SUSD1: variants seen among roughly 807,000 people sequenced by gnomAD.
SUSD1 encodes the protein sushi domain containing 1, also known as sushi domain-containing protein 1.
A neutral mutation model predicts 86.9 loss-of-function variants in SUSD1; 65 were observed. The observed-to-expected ratio is 0.75, with a 90% CI of 0.61 to 0.92. The LOEUF (loss-of-function observed/expected upper bound fraction) is 0.92. Ranked by LOEUF, SUSD1 falls within the 40% of genes least tolerant of loss-of-function variation. SUSD1 has a pLI of 0.00. For synonymous variants in SUSD1, 346 were observed against 350.0 expected, an observed-to-expected ratio of 0.99 and a Z score of 0.13; for missense variants, 850 against 929.7, an observed-to-expected ratio of 0.91 and a Z score of 1.11.
At chr9:112,054,322 C>T (rs1402082040) in intron 14 of SUSD1, among the ~76,000 whole-genome samples, 2 of 152,178 alleles carry the variant, frequency 1.3e-5, no homozygotes, top group Admixed American at 6.5e-5. Context: ...CACTGGCTCA[C>T]ACCTGTAATC....
intron 5 of SUSD1, among the ~76,000 whole-genome samples, chr9:112,131,860 G>A (rs1832049328): frequency 6.6e-6 from 1 of 152,162 alleles, no homozygotes; most frequent in Admixed American, 6.5e-5. Context: ...GAGCATGGCT[G>A]GGAATTTTCC....
intron 15 of SUSD1, among the ~76,000 whole-genome samples, chr9:112,043,918 A>T (rs1827850236): frequency 6.6e-6 from 1 of 152,174 alleles, no homozygotes; most frequent in African/African-American, 2.4e-5. Context: ...CTCCTGCCCC[A>T]GTCTCCCTAG....
intron 7 of SUSD1, chr9:112,112,088 A>G: frequency 2.7e-6 from 1 of 373,340 alleles, no homozygotes; most frequent in South Asian, 5.6e-5. Flanking sequence ...TCAAATGGAG[A>G]CAATTGCAAC....
chr9:112,120,758 CAGCTAATTAAT>C (rs1465304140), intron 6 of SUSD1, among the ~76,000 whole-genome samples: 1 of 152,216 alleles, frequency 6.6e-6, no homozygotes, highest in Non-Finnish European at 1.5e-5. Flanking sequence ...CTACAAGCAT[CAGCTAATTAAT>C]AGCTTACTAT....
intron 12 of SUSD1, among the ~76,000 whole-genome samples, chr9:112,067,739 G>A (rs1044911189): frequency 5.3e-5 from 8 of 152,038 alleles, no homozygotes; most frequent in Admixed American, 2.6e-4. Flanking sequence ...AGCTCAGTAG[G>A]GCAAGGGAGG....
chr9:112,110,750 T>TA, intron 8 of SUSD1, among the ~76,000 whole-genome samples: 1 of 152,078 alleles, frequency 6.6e-6, no homozygotes, highest in East Asian at 1.9e-4. Context: ...TTTTTTAACT[T>TA]ACTGTAATTG....
chr9:112,163,863 T>C (rs1833670057), intron 1 of SUSD1, among the ~76,000 whole-genome samples: 1 of 152,118 alleles, frequency 6.6e-6, no homozygotes, highest in South Asian at 2.1e-4. Flanking sequence ...TAGCTAGGCA[T>C]GGTGGTGGAC....
At chr9:112,174,635 A>C in intron 1 of SUSD1, among the ~76,000 whole-genome samples, 1 of 152,196 alleles carries the variant, frequency 6.6e-6, no homozygotes, top group Non-Finnish European at 1.5e-5. Flanking sequence ...ACTCTTCCTT[A>C]CGCGTCTTTC....
At chr9:112,170,704 T>TAGAGAGAG (rs1260226965) in intron 1 of SUSD1, among the ~76,000 whole-genome samples, 2 of 91,462 alleles carry the variant, frequency 2.2e-5, no homozygotes, top group African/African-American at 1.1e-4. Context: ...TATATATATA[T>TAGAGAGAG]ATATATAGAG....
At position 112,052,204 on chromosome 9, in the gene SUSD1, T is replaced by C. The variant is rs1828243598; in HGVS notation, c.2149+195A>G. On this transcript the variant is annotated intron_variant, in intron 15 of 16. Transcript: ENST00000374270. Reference sequence around the variant, plus strand: ...CCTGGAGCCTTCTTGGTGGGGTAGCTCTTTGTATAATTCCATAAGCTCCCA... The same window carrying C: ...CCTGGAGCCTTCTTGGTGGGGTAGCCCTTTGTATAATTCCATAAGCTCCCA... 6 of 1,519,246 alleles carry C rather than the reference T, an allele frequency of 3.9e-6. No individual in the cohort carries two copies. The Admixed American group carries it at 1.2e-4, about 31-fold the overall frequency. The allele number at this position is 1,519,246 out of a possible 1,614,324, so 94.1% of individuals were successfully genotyped here. A position where few individuals can be genotyped will look rare whatever the true frequency, so the allele number is the denominator to read the frequency against.
chr9:112,048,272 T>C (rs1828041237), intron 15 of SUSD1, among the ~76,000 whole-genome samples: 1 of 152,188 alleles, frequency 6.6e-6, no homozygotes, highest in African/African-American at 2.4e-5. Flanking sequence ...AGTCTTTGAA[T>C]GAATAACTGA....
intron 10 of SUSD1, among the ~76,000 whole-genome samples, chr9:112,097,941 T>G (rs1014535492): frequency 3.3e-4 from 50 of 152,302 alleles, no homozygotes; most frequent in African/African-American, 1.1e-3. Context: ...GCTGTGGAGT[T>G]AATACAGCTG....
At chr9:112,142,961 CTTTTTTTTTTTTTT>C (rs529470594) in intron 4 of SUSD1, among the ~76,000 whole-genome samples, 257 of 30,202 alleles carry the variant, frequency 8.5e-3, no homozygotes, top group African/African-American at 0.02. Context: ...TGAATTTTAG[CTTTTTTTTTTTTTT>C]TTTTTTTTTT....
At chr9:112,121,337 C>CT (rs1438141139) in intron 6 of SUSD1, among the ~76,000 whole-genome samples, 2 of 152,144 alleles carry the variant, frequency 1.3e-5, no homozygotes, top group African/African-American at 4.8e-5. Context: ...CAGAGGTGAG[C>CT]TTTCCATCTA....
rs186727984 is a variant in SUSD1, at chr9:112,121,180, A to C, written c.886+3077T>G. Among the ~76,000 whole-genome samples the C allele has an allele frequency of 4.7e-3, 719 of 152,322 alleles. 7 individuals carry two copies. The highest frequency in any genetic ancestry group is 0.016 in the African/African-American group (677 of 41,562). ...TGGGCAAGTCAATGAGACCTCTCTA[A>C]GAGAAGACTGCATTGTATCTCTGGG... On this transcript the variant is annotated intron_variant, in intron 6 of 16. Transcript: ENST00000374270.
chr9:112,070,005 T>C (rs921270669), intron 12 of SUSD1, among the ~76,000 whole-genome samples: 2 of 152,148 alleles, frequency 1.3e-5, no homozygotes, highest in Non-Finnish European at 2.9e-5. Context: ...TTTGTTTTTG[T>C]TTTTGCTTTT....
chr9:112,087,355 T>C (rs1485726775), intron 10 of SUSD1, among the ~76,000 whole-genome samples: 1 of 151,804 alleles, frequency 6.6e-6, no homozygotes, highest in Non-Finnish European at 1.5e-5. Context: ...CTAATTTTTG[T>C]ATCTTTAGTA....
intron 2 of SUSD1, among the ~76,000 whole-genome samples, chr9:112,151,423 C>A (rs1267431140): frequency 6.6e-6 from 1 of 150,860 alleles, no homozygotes; most frequent in African/African-American, 2.4e-5. Flanking sequence ...ATGGTGAAAC[C>A]CCATCTCTAC....
intron 5 of SUSD1, among the ~76,000 whole-genome samples, chr9:112,138,242 T>TACATATATATATATATGTATATACAC (rs374164518): frequency 2.3e-4 from 8 of 34,064 alleles, no homozygotes; most frequent in South Asian, 1.6e-3. Context: ...AATGTGTATA[T>TACATATATATATATATGTATATACAC]ATATATATAT....
Sources: gnomAD v4.1 joint callset for allele counts (sites outside exome capture counted in the v4.1 genomes callset) on GRCh38, gnomAD v4.1.1 for gene constraint, MANE v1.5 for transcripts, NCBI Gene and HGNC (gene_info 2026-07-23, HGNC 2026-07-21) for gene names.